PCDHA5: variants seen among roughly 807,000 people sequenced by gnomAD.
PCDHA5 encodes protocadherin alpha 5, also known as protocadherin alpha-5.
PCDHA5 carries 43 observed loss-of-function variants against 61.6 expected under a neutral mutation model. That is an observed-to-expected ratio of 0.70 (90% confidence interval 0.55 to 0.90). PCDHA5 has a LOEUF of 0.90. PCDHA5 is among the 40% of genes least tolerant of loss of function. The probability of loss-of-function intolerance (pLI) is 0.00; values close to 1 mark genes in which losing one functional copy is unlikely to be tolerated. For synonymous variants in PCDHA5, 627 were observed against 543.9 expected (o/e 1.15, Z -2.13); for missense variants, 1,298 against 1,222.7 (o/e 1.06, Z -0.92).
At chr5:140,854,271 A>C in intron 1 of PCDHA5, 5 of 574,086 alleles carry the variant, frequency 8.7e-6, no homozygotes, top group Non-Finnish European at 1.1e-5. Context: ...CATTAGTAGA[A>C]ATTGAGTTTA....
rs2150166154 is a variant in PCDHA5, at chr5:140,829,340, A to G, written c.2352+5213A>G. On this transcript the variant is annotated intron_variant, in intron 1 of 3. Coordinates refer to ENST00000529859, the MANE Select transcript of PCDHA5 (RefSeq NM_018908.3). ...GCTGGACAGTGCCCTGGACCGCGAG[A>G]GCGTGTCGGCCTATGAGTTGGTGGT... is the stretch of plus-strand genomic sequence containing the variant. 2.5e-6 allele frequency: 4 copies of G among 1,614,216 alleles called. No homozygotes were observed. In the South Asian group the frequency reaches 4.4e-5, roughly 18 times the overall value.
At chr5:140,925,523 A>G (rs2082536331) in intron 1 of PCDHA5, among the ~76,000 whole-genome samples, 1 of 152,138 alleles carries the variant, frequency 6.6e-6, no homozygotes, top group African/African-American at 2.4e-5. Flanking sequence ...ACCAAATTAA[A>G]AGCGAGGAGA....
Position 140,901,240 on chromosome 5 carries a change from C to T in PCDHA5, c.2352+77113C>T, listed in dbSNP as rs868923936. 8.9e-4 allele frequency among the ~76,000 whole-genome samples: 135 copies of T among 151,946 alleles called. 1 individual carries two copies. Among genetic ancestry groups the T allele is most frequent in the Middle Eastern group, 6.8e-3 (2 of 294 alleles). The stretch of plus-strand genomic sequence containing the variant: ...TGTGATCCCATATATCCATTTTTTT[C>T]CTTTGGTTCCCTGTGATTGTGGGGT... On this transcript the variant is annotated intron_variant, in intron 1 of 3. Transcript: ENST00000529859.
At chr5:140,934,590 G>T (rs1305372783) in intron 1 of PCDHA5, among the ~76,000 whole-genome samples, 4 of 151,886 alleles carry the variant, frequency 2.6e-5, no homozygotes, top group Admixed American at 2.6e-4. Context: ...TCTGTAATGG[G>T]TCTTCAACTA....
At chr5:140,941,553 G>T in intron 1 of PCDHA5, among the ~76,000 whole-genome samples, 1 of 151,656 alleles carries the variant, frequency 6.6e-6, no homozygotes, top group East Asian at 2.0e-4. Context: ...CTGACCTCGT[G>T]ATCCATTCGC....
rs782401003 is a variant in PCDHA5, at chr5:140,858,196, C to T, written c.2352+34069C>T. 3 of 1,597,174 alleles carry T rather than the reference C, an allele frequency of 1.9e-6. No individual in the cohort carries two copies. The East Asian group carries it at 6.7e-5, about 36-fold the overall frequency. On this transcript the variant is annotated intron_variant, in intron 1 of 3. Coordinates refer to ENST00000529859, the MANE Select transcript of PCDHA5 (RefSeq NM_018908.3). ...TGCTGGTGCTCACGCTGCTGCTGTA[C>T]ACTGCACTGAGGTGCTCGGCGGCGC...
At chr5:140,931,057 T>C (rs1554208231) in intron 1 of PCDHA5, among the ~76,000 whole-genome samples, 1 of 152,196 alleles carries the variant, frequency 6.6e-6, no homozygotes, top group Admixed American at 6.5e-5. Context: ...CAATGCTGTG[T>C]CTGGGACTAA....
rs1478499072 is a variant in PCDHA5 at position 140,882,356 on chromosome 5, C to T, written c.2352+58229C>T. 4 of 1,614,070 alleles carry T rather than the reference C, an allele frequency of 2.5e-6. No individual in the cohort carries two copies. The Admixed American group carries it at 5.0e-5, about 20-fold the overall frequency. On this transcript the variant is annotated intron_variant, in intron 1 of 3. Coordinates refer to ENST00000529859, the MANE Select transcript of PCDHA5 (RefSeq NM_018908.3). ...CGCAGCCTGGGAGACGGGTAGTGGC[C>T]AGCTCCACTACTCCGTCCCCGAGGA... is the stretch of plus-strand genomic sequence containing the variant.
chr5:140,928,288 C>G, intron 1 of PCDHA5: 2 of 1,614,156 alleles, frequency 1.2e-6, no homozygotes, highest in Non-Finnish European at 1.7e-6. Flanking sequence ...CTCTCTAGGC[C>G]GAGTGTTTGC....
intron 1 of PCDHA5, among the ~76,000 whole-genome samples, chr5:140,919,556 A>G (rs980403400): frequency 5.9e-5 from 9 of 152,186 alleles, no homozygotes; most frequent in African/African-American, 2.2e-4. Context: ...ACTGATTTAT[A>G]TTAAGTGAAT....
At chr5:140,843,779 T>G (rs1779095351) in intron 1 of PCDHA5, 1 of 1,431,152 alleles carries the variant, frequency 7.0e-7, no homozygotes, top group African/African-American at 1.4e-5. Flanking sequence ...ACTTTAAAAG[T>G]GTTTCAGATT....
chr5:140,845,026 C>T (rs1193060489), intron 1 of PCDHA5, among the ~76,000 whole-genome samples: 2 of 149,188 alleles, frequency 1.3e-5, no homozygotes, highest in Non-Finnish European at 3.0e-5. Flanking sequence ...CATTTATGGG[C>T]ATATTTTAGC....
At chr5:141,009,104 T>G (rs2098399543) in intron 3 of PCDHA5, among the ~76,000 whole-genome samples, 1 of 152,220 alleles carries the variant, frequency 6.6e-6, no homozygotes, top group Non-Finnish European at 1.5e-5. Flanking sequence ...CATATGTTAC[T>G]ATGAAACTAG....
At chr5:140,928,276 G>T in intron 1 of PCDHA5, 1 of 1,614,172 alleles carries the variant, frequency 6.2e-7, no homozygotes, top group Non-Finnish European at 8.5e-7. Context: ...TGGCCCTGGG[G>T]CCTCTCTAGG....
chr5:140,986,291 A>C (rs1554247870), intron 3 of PCDHA5, among the ~76,000 whole-genome samples: 1 of 152,142 alleles, frequency 6.6e-6, no homozygotes, highest in East Asian at 1.9e-4. Context: ...CTTGAGACTG[A>C]GCAGAGAGAG....
intron 1 of PCDHA5, chr5:140,926,693 C>G (rs576013331): frequency 3.9e-4 from 291 of 742,942 alleles, no homozygotes; most frequent in Non-Finnish European, 5.0e-4. Flanking sequence ...CTAGCAAGCC[C>G]GGCTCCCAGC....
At chr5:140,882,088 T>G (rs1334008975) in intron 1 of PCDHA5, 3 of 1,087,274 alleles carry the variant, frequency 2.8e-6, no homozygotes, top group African/African-American at 1.6e-5. Flanking sequence ...CGCTCTTCAC[T>G]GAGAACGTTT....
chr5:140,824,236 A>G (rs1554129815), intron 1 of PCDHA5, 109 bp downstream of exon 1: 1 of 1,505,494 alleles, frequency 6.6e-7, no homozygotes, highest in Admixed American at 1.7e-5. Context: ...GTACACAAAT[A>G]TTGTGGTACA....
At chr5:140,978,913 T>C in intron 1 of PCDHA5, 36 bp from the exon 2 acceptor site, 1 of 1,613,902 alleles carries the variant, frequency 6.2e-7, no homozygotes, top group Non-Finnish European at 8.5e-7. Flanking sequence ...CATTGTCTTG[T>C]CATTTTAACA....
Sources: gnomAD v4.1 joint callset for allele counts (sites outside exome capture counted in the v4.1 genomes callset) on GRCh38, gnomAD v4.1.1 for gene constraint, MANE v1.5 for transcripts, NCBI Gene and HGNC (gene_info 2026-07-23, HGNC 2026-07-21) for gene names.